EHBP1: variants seen among roughly 807,000 people sequenced by gnomAD.
The protein encoded by EHBP1 is EH domain binding protein 1, also known as EH domain-binding protein 1.
In EHBP1, 55 loss-of-function variants were observed where a neutral mutation model predicts 144.0. That is an observed-to-expected ratio of 0.38 (90% CI 0.31 to 0.48). The LOEUF (loss-of-function observed/expected upper bound fraction) is 0.48, where lower values mean the gene tolerates loss of function less well. Ranked by LOEUF, EHBP1 falls within the 20% of genes least tolerant of loss-of-function variation. EHBP1 has a pLI of 0.98. For synonymous variants in EHBP1, 469 were observed against 472.7 expected, an observed-to-expected ratio of 0.99 and a Z score of 0.10; for missense variants, 1,200 against 1,364.2, an observed-to-expected ratio of 0.88 and a Z score of 1.90.
At chr2:62,866,112 C>G (rs2050013348) in intron 9 of EHBP1, among the ~76,000 whole-genome samples, 1 of 152,182 alleles carries the variant, frequency 6.6e-6, no homozygotes, top group Admixed American at 6.5e-5. Context: ...AAAAGACTTC[C>G]TAACACATGG....
intron 15 of EHBP1, among the ~76,000 whole-genome samples, chr2:62,986,726 C>T (rs1426985596): frequency 1.3e-5 from 2 of 152,000 alleles, no homozygotes; most frequent in Admixed American, 6.6e-5. Flanking sequence ...CGTGAGCCAC[C>T]GCACCCAGTC....
intron 2 of EHBP1, among the ~76,000 whole-genome samples, chr2:62,740,977 C>A (rs2038648760): frequency 6.6e-6 from 1 of 152,020 alleles, no homozygotes; most frequent in South Asian, 2.1e-4. Flanking sequence ...GTTACTGTAG[C>A]AGATACACCC....
At chr2:62,703,327 A>T (rs532459353), upstream of EHBP1, among the ~76,000 whole-genome samples, 1 of 152,216 alleles carries the variant, frequency 6.6e-6, no homozygotes, top group South Asian at 2.1e-4. Flanking sequence ...TGAGTGACAG[A>T]GAGAAACCCC....
At chr2:62,701,078 C>T (rs1276972231), upstream of EHBP1, among the ~76,000 whole-genome samples, 1 of 152,182 alleles carries the variant, frequency 6.6e-6, no homozygotes, top group Non-Finnish European at 1.5e-5. Context: ...CTCATTACAT[C>T]CCCTCCAAGT....
intron 5 of EHBP1, among the ~76,000 whole-genome samples, chr2:62,808,900 G>C (rs988761074): frequency 6.6e-6 from 1 of 152,140 alleles, no homozygotes; most frequent in Admixed American, 6.5e-5. Flanking sequence ...GCTACAGTGG[G>C]CTGCAGTTGA....
At chr2:62,854,658 A>C (rs1033875749) in intron 7 of EHBP1, among the ~76,000 whole-genome samples, 1 of 152,216 alleles carries the variant, frequency 6.6e-6, no homozygotes, top group African/African-American at 2.4e-5. Flanking sequence ...GGTGTGGTGC[A>C]TTGCAGCCCA....
chr2:63,031,310 A>C (rs1197193778), intron 19 of EHBP1, among the ~76,000 whole-genome samples: 2 of 152,148 alleles, frequency 1.3e-5, no homozygotes, highest in African/African-American at 4.8e-5. Context: ...GGAGGCATCC[A>C]TCTGTAAGGG....
In EHBP1 at chr2:63,038,750, G is replaced by A; in HGVS notation, c.3211G>A (p.Glu1071Lys). 1 of 1,613,102 alleles carries A rather than the reference G, an allele frequency of 6.2e-7. No homozygotes were observed. Among genetic ancestry groups the A allele is most frequent in the Non-Finnish European group, 8.5e-7 (1 of 1,179,314 alleles). ...CTTTTGCAACTTGCCCAGGGAAAAA[G>A]AACATGATTTAGAACGACGGTATGA... is the stretch of plus-strand genomic sequence containing the variant. ...RMNQLSLLEK[E>K]HDLERRYELL... The change falls in exon 21 of 23, where the codon GAA becomes AAA. Residue 1071 changes from glutamate (E) to lysine (K), a missense_variant. By Grantham distance (56) the Glu-to-Lys change is moderately conservative. Transcript: ENST00000431489.
chr2:62,989,046 T>C (rs1443285319), intron 15 of EHBP1, among the ~76,000 whole-genome samples: 1 of 152,132 alleles, frequency 6.6e-6, no homozygotes, highest in Admixed American at 6.6e-5. Flanking sequence ...GGTGTTAAAT[T>C]ATACTATTGC....
At chr2:62,843,457 G>C (rs1004278659) in intron 7 of EHBP1, among the ~76,000 whole-genome samples, 4 of 152,112 alleles carry the variant, frequency 2.6e-5, no homozygotes, top group African/African-American at 9.7e-5. Flanking sequence ...AAGAAGAAGG[G>C]GTGGGTGGGG....
chr2:62,956,713 C>T lies in EHBP1; in HGVS notation c.2460+1053C>T, dbSNP rs1157339691. ...GAAAAAAAAAAAAAAAAAAAACCACCGCAAAACTTACTGGCAAAAAACAAC... is the reference window on the plus strand; with the variant it reads ...GAAAAAAAAAAAAAAAAAAAACCACTGCAAAACTTACTGGCAAAAAACAAC... On this transcript the variant is annotated intron_variant, in intron 14 of 22. Transcript: ENST00000431489. Among the ~76,000 whole-genome samples the T allele has an allele frequency of 4.0e-5, 6 of 149,612 alleles. No individual in the cohort carries two copies. In the South Asian group the frequency reaches 6.3e-4, roughly 16 times the overall value.
At chr2:62,725,368 C>T (rs779793896) in intron 2 of EHBP1, among the ~76,000 whole-genome samples, 98 of 152,324 alleles carry the variant, frequency 6.4e-4, no homozygotes, top group Non-Finnish European at 1.2e-3. Context: ...GTGCCTGCCT[C>T]CAAGCCAGTG....
chr2:62,959,579 GGAGTGACATCTC>G (rs1309344855), intron 14 of EHBP1, among the ~76,000 whole-genome samples: 6 of 152,204 alleles, frequency 3.9e-5, no homozygotes, highest in African/African-American at 1.2e-4. Context: ...GAACAAGCAT[GGAGTGACATCTC>G]ATTGTGATCT....
chr2:62,704,140 G>A (rs557398974), upstream of EHBP1, among the ~76,000 whole-genome samples: 4 of 152,296 alleles, frequency 2.6e-5, no homozygotes, highest in South Asian at 6.2e-4. Flanking sequence ...GGACATCAGA[G>A]AACTCTTAAT....
intron 2 of EHBP1, among the ~76,000 whole-genome samples, chr2:62,739,691 C>G (rs1454211844): frequency 1.3e-5 from 2 of 151,778 alleles, no homozygotes; most frequent in Non-Finnish European, 1.5e-5. Flanking sequence ...GCCTGTGATT[C>G]CAACACTTTG....
chr2:62,849,456 G>T (rs1558788602), intron 7 of EHBP1, among the ~76,000 whole-genome samples: 4 of 152,014 alleles, frequency 2.6e-5, no homozygotes, highest in Admixed American at 2.6e-4. Context: ...TACCCAGCTA[G>T]GTCCAGTCAA....
intron 14 of EHBP1, among the ~76,000 whole-genome samples, chr2:62,966,863 A>G (rs2058270143): frequency 6.6e-6 from 1 of 152,158 alleles, no homozygotes; most frequent in Non-Finnish European, 1.5e-5. Context: ...AAACATCACC[A>G]CTAGCCTGCA....
chr2:62,945,440 T>C (rs962324977), intron 12 of EHBP1, among the ~76,000 whole-genome samples: 1 of 152,324 alleles, frequency 6.6e-6, no homozygotes, highest in African/African-American at 2.4e-5. Flanking sequence ...ATACAAAGTC[T>C]TGGGACCTTG....
chr2:62,941,148 T>C (rs548747025), intron 10 of EHBP1, among the ~76,000 whole-genome samples: 7 of 152,270 alleles, frequency 4.6e-5, no homozygotes, highest in South Asian at 2.1e-4. Flanking sequence ...AAAAAATGTT[T>C]ATGCCTACCT....
Sources: gnomAD v4.1 joint callset for allele counts (sites outside exome capture counted in the v4.1 genomes callset) on GRCh38, gnomAD v4.1.1 for gene constraint, MANE v1.5 for transcripts, NCBI Gene and HGNC (gene_info 2026-07-23, HGNC 2026-07-21) for gene names.